The following KCNMB2 variants were observed in gnomAD, a reference collection of about 807,000 sequenced individuals.
KCNMB2 encodes potassium calcium-activated channel subfamily M regulatory beta subunit 2.
In KCNMB2, 9 loss-of-function variants were observed where a neutral mutation model predicts 24.5. The observed-to-expected ratio is 0.37, with a 90% CI of 0.22 to 0.64. KCNMB2 has a LOEUF of 0.64. Ranked by LOEUF, KCNMB2 falls within the 30% of genes least tolerant of loss-of-function variation. The pLI is 0.63. For missense variants in KCNMB2, 226 were observed against 284.3 expected, an observed-to-expected ratio of 0.79 and a Z score of 1.47; for synonymous variants, 109 against 104.4, an observed-to-expected ratio of 1.04 and a Z score of -0.27.
At chr3:178,548,684 T>C (rs998694626) in intron 1 of KCNMB2, among the ~76,000 whole-genome samples, 3 of 152,212 alleles carry the variant, frequency 2.0e-5, no homozygotes, top group Non-Finnish European at 4.4e-5. Flanking sequence ...TTCACATTTT[T>C]CCTCTTCCTT....
At chr3:178,810,707 G>A (rs1034436488) in intron 2 of KCNMB2, among the ~76,000 whole-genome samples, 2 of 151,792 alleles carry the variant, frequency 1.3e-5, no homozygotes, top group Non-Finnish European at 2.9e-5. Context: ...AAACTTCTTT[G>A]TTAGTTGAAC....
At chr3:178,821,419 C>A (rs1714620890) in intron 2 of KCNMB2, among the ~76,000 whole-genome samples, 1 of 152,166 alleles carries the variant, frequency 6.6e-6, no homozygotes, top group South Asian at 2.1e-4. Flanking sequence ...AGACTTACTA[C>A]CTTTACTACT....
intron 1 of KCNMB2, among the ~76,000 whole-genome samples, chr3:178,538,577 A>G (rs1174984267): frequency 6.6e-6 from 1 of 152,222 alleles, no homozygotes; most frequent in Admixed American, 6.5e-5. Context: ...TATTTACTTT[A>G]GAGGCAATTC....
At chr3:178,730,173 G>A (rs993517342) in intron 1 of KCNMB2, among the ~76,000 whole-genome samples, 3 of 152,012 alleles carry the variant, frequency 2.0e-5, no homozygotes, top group Admixed American at 6.6e-5. Context: ...TCAAAATATT[G>A]GTGAATGACC....
intron 1 of KCNMB2, among the ~76,000 whole-genome samples, chr3:178,787,138 T>C (rs564069883): frequency 6.6e-6 from 1 of 152,286 alleles, no homozygotes; most frequent in African/African-American, 2.4e-5. Context: ...AAAAATTAAA[T>C]ATCACATCTA....
intron 1 of KCNMB2, among the ~76,000 whole-genome samples, chr3:178,779,079 A>G (rs1369619432): frequency 6.6e-6 from 1 of 152,174 alleles, no homozygotes; most frequent in Non-Finnish European, 1.5e-5. Context: ...CCACTGTACC[A>G]AGGACCAACT....
At chr3:178,714,925 G>A (rs1476881837) in intron 1 of KCNMB2, among the ~76,000 whole-genome samples, 1 of 152,206 alleles carries the variant, frequency 6.6e-6, no homozygotes, top group South Asian at 2.1e-4. Flanking sequence ...AGTTGCATCT[G>A]CAGCTTCCTG....
At chr3:178,629,586 A>G (rs529964162) in intron 1 of KCNMB2, among the ~76,000 whole-genome samples, 1 of 152,332 alleles carries the variant, frequency 6.6e-6, no homozygotes, top group South Asian at 2.1e-4. Context: ...CAATATTCCA[A>G]GATCACAATC....
intron 4 of KCNMB2, among the ~76,000 whole-genome samples, chr3:178,828,925 C>CTGTGAGTGTGTG (rs1179869572): frequency 7.0e-6 from 1 of 142,754 alleles, no homozygotes; most frequent in East Asian, 2.2e-4. Flanking sequence ...CCCATGGTCA[C>CTGTGAGTGTGTG]TGTGTGTGTG....
chr3:178,577,807 G>C (rs981577215), intron 1 of KCNMB2, among the ~76,000 whole-genome samples: 10 of 152,080 alleles, frequency 6.6e-5, no homozygotes, highest in African/African-American at 2.4e-4. Context: ...ATGAAATAAA[G>C]TATGAAGACA....
chr3:178,568,400 C>G (rs530509552), intron 1 of KCNMB2, among the ~76,000 whole-genome samples: 1 of 152,294 alleles, frequency 6.6e-6, no homozygotes, highest in South Asian at 2.1e-4. Flanking sequence ...TTTCATGATA[C>G]TTTCCTGTTT....
chr3:178,677,304 C>T (rs762713650), intron 1 of KCNMB2, among the ~76,000 whole-genome samples: 1 of 152,128 alleles, frequency 6.6e-6, no homozygotes, highest in Non-Finnish European at 1.5e-5. Context: ...AAACACCAGA[C>T]ACCATAAGGA....
intron 1 of KCNMB2, among the ~76,000 whole-genome samples, chr3:178,773,104 T>C (rs1577175944): frequency 6.6e-6 from 1 of 152,130 alleles, no homozygotes; most frequent in African/African-American, 2.4e-5. Flanking sequence ...ACGAGGGCAT[T>C]CTGGGGTCCC....
intron 1 of KCNMB2, among the ~76,000 whole-genome samples, chr3:178,593,054 G>C (rs1380750482): frequency 6.6e-6 from 1 of 151,922 alleles, no homozygotes; most frequent in Non-Finnish European, 1.5e-5. Flanking sequence ...CTCTGGTGTT[G>C]GGGAGTGGGG....
chr3:178,589,305 G>A (rs1305435269), intron 1 of KCNMB2, among the ~76,000 whole-genome samples: 1 of 152,108 alleles, frequency 6.6e-6, no homozygotes, highest in Admixed American at 6.6e-5. Context: ...GTTTGGTTCT[G>A]CCTGAGCTCA....
chr3:178,549,389 C>A (rs1715872231), intron 1 of KCNMB2, among the ~76,000 whole-genome samples: 1 of 149,446 alleles, frequency 6.7e-6, no homozygotes, highest in East Asian at 2.0e-4. Context: ...TGGCTCACTG[C>A]AGTCTCTGCC....
At chr3:178,814,677 A>G (rs1714334821) in intron 2 of KCNMB2, among the ~76,000 whole-genome samples, 1 of 152,008 alleles carries the variant, frequency 6.6e-6, no homozygotes, top group African/African-American at 2.4e-5. Context: ...GCCATCCTGC[A>G]TGGTCTCATT....
intron 1 of KCNMB2, among the ~76,000 whole-genome samples, chr3:178,702,182 AC>A (rs538766402): frequency 3.6e-4 from 55 of 150,742 alleles, no homozygotes; most frequent in African/African-American, 1.3e-3. Flanking sequence ...TATCACAAGG[AC>A]AAAAAACCAA....
chr3:178,711,143 G>A (rs1352260228), intron 1 of KCNMB2, among the ~76,000 whole-genome samples: 1 of 152,124 alleles, frequency 6.6e-6, no homozygotes, highest in African/African-American at 2.4e-5. Context: ...TTTTACAGTT[G>A]AGAAAAAGTG....
Sources: gnomAD v4.1 joint callset for allele counts (sites outside exome capture counted in the v4.1 genomes callset) on GRCh38, gnomAD v4.1.1 for gene constraint, MANE v1.5 for transcripts, NCBI Gene and HGNC (gene_info 2026-07-23, HGNC 2026-07-21) for gene names.